Variants in TMEM74 observed in about 807,000 individuals in gnomAD.
TMEM74 encodes the protein transmembrane protein 74.
A neutral mutation model predicts 18.1 loss-of-function variants in TMEM74; 13 were observed. The ratio of observed to expected loss-of-function variants is 0.72; its 90% CI spans 0.47 to 1.14. The LOEUF is 1.14. TMEM74 is among the 50% of genes most tolerant of loss of function. The probability of loss-of-function intolerance (pLI) is 0.00; values close to 1 mark genes in which losing one functional copy is unlikely to be tolerated. For synonymous variants in TMEM74, 159 were observed against 146.6 expected, an observed-to-expected ratio of 1.08 and a Z score of -0.61; for missense variants, 372 against 375.9, an observed-to-expected ratio of 0.99 and a Z score of 0.09.
At chr8:108,622,961 A>C (rs544432871) in intron 2 of TMEM74, among the ~76,000 whole-genome samples, 1 of 152,076 alleles carries the variant, frequency 6.6e-6, no homozygotes, top group South Asian at 2.1e-4. Flanking sequence ...GTACATTCAA[A>C]TTGCTTAAAG....
chr8:108,618,149 T>C (rs185917114), intron 2 of TMEM74, among the ~76,000 whole-genome samples: 148 of 152,274 alleles, frequency 9.7e-4, no homozygotes, highest in African/African-American at 3.3e-3. Context: ...TTTATGCCTA[T>C]TGCCTTTGAT....
chr8:108,622,519 C>T (rs927699293), intron 2 of TMEM74, among the ~76,000 whole-genome samples: 3 of 152,052 alleles, frequency 2.0e-5, no homozygotes, highest in Non-Finnish European at 4.4e-5. Flanking sequence ...CTTAGGGTGG[C>T]TTTAGAATTG....
intron 1 of TMEM74, among the ~76,000 whole-genome samples, chr8:108,709,968 C>T (rs1171980664): frequency 1.3e-5 from 2 of 152,116 alleles, no homozygotes; most frequent in African/African-American, 4.8e-5. Flanking sequence ...TAATCACACT[C>T]TCAGGGTCAT....
rs1406834719 is a variant in TMEM74, at chr8:108,700,662, A to T, written n.120-45225T>A. Reference sequence around the variant, plus strand: ...AATAAGTATTTCATATACATGGGGCATTTAATCATCTTAATCAAAATGAAG... The same window carrying T: ...AATAAGTATTTCATATACATGGGGCTTTTAATCATCTTAATCAAAATGAAG... On this transcript the variant is annotated intron_variant and non_coding_transcript_variant, in intron 1 of 3. Coordinates refer to the TMEM74 transcript ENST00000518838. Among the ~76,000 whole-genome samples the T allele has an allele frequency of 1.3e-5, 2 of 152,188 alleles. 1 individual carries two copies. Among genetic ancestry groups the T allele is most frequent in the Non-Finnish European group, 2.9e-5 (2 of 68,032 alleles).
chr8:108,656,326 C>G (rs1457334774), intron 1 of TMEM74, among the ~76,000 whole-genome samples: 1 of 152,122 alleles, frequency 6.6e-6, no homozygotes, highest in Non-Finnish European at 1.5e-5. Flanking sequence ...GTTCAGGGCT[C>G]ATAATCGGGA....
At chr8:108,684,020 T>C (rs2130601393) in intron 1 of TMEM74, among the ~76,000 whole-genome samples, 1 of 152,250 alleles carries the variant, frequency 6.6e-6, no homozygotes, top group Middle Eastern at 3.4e-3. Context: ...GACACTTAGA[T>C]TGATTCCATA....
chr8:108,687,633 A>G (rs965937616), intron 1 of TMEM74, among the ~76,000 whole-genome samples: 3 of 152,168 alleles, frequency 2.0e-5, no homozygotes, highest in African/African-American at 7.2e-5. Context: ...AGATGGTCCC[A>G]TCTTGGTCTG....
intron 3 of TMEM74, among the ~76,000 whole-genome samples, chr8:108,608,486 T>C (rs1812302085): frequency 1.3e-5 from 2 of 152,124 alleles, no homozygotes; most frequent in Non-Finnish European, 2.9e-5. Flanking sequence ...ACTGTGGCAA[T>C]AATACCTGGC....
chr8:108,648,922 T>C (rs1344406152), intron 2 of TMEM74, among the ~76,000 whole-genome samples: 1 of 152,152 alleles, frequency 6.6e-6, no homozygotes, highest in Admixed American at 6.6e-5. Context: ...CGCTAAACAA[T>C]ACACTGATCT....
At chr8:108,688,410 T>G (rs1813193395) in intron 1 of TMEM74, among the ~76,000 whole-genome samples, 1 of 152,198 alleles carries the variant, frequency 6.6e-6, no homozygotes, top group Non-Finnish European at 1.5e-5. Context: ...TCCTCACATG[T>G]TCAGCTAAAG....
chr8:108,689,921 A>G (rs1281532279), intron 1 of TMEM74, among the ~76,000 whole-genome samples: 3 of 152,292 alleles, frequency 2.0e-5, no homozygotes, highest in African/African-American at 7.2e-5. Context: ...TCTTATGCAG[A>G]TAACAGACCA....
chr8:108,772,904 G>C (rs998471428), intron 1 of TMEM74, among the ~76,000 whole-genome samples: 1 of 152,094 alleles, frequency 6.6e-6, no homozygotes, highest in Non-Finnish European at 1.5e-5. Context: ...GATTGTCATG[G>C]GGATTCGATG....
intron 1 of TMEM74, among the ~76,000 whole-genome samples, chr8:108,723,209 G>A (rs1380721147): frequency 1.3e-5 from 2 of 152,154 alleles, no homozygotes; most frequent in East Asian, 3.9e-4. Flanking sequence ...ATTAAGGGGT[G>A]ATTTAAATTG....
intron 1 of TMEM74, among the ~76,000 whole-genome samples, chr8:108,687,707 T>C (rs1813184926): frequency 6.6e-6 from 1 of 152,052 alleles, no homozygotes; most frequent in Non-Finnish European, 1.5e-5. Flanking sequence ...CCTAGATCCC[T>C]CGCATGTGCT....
In TMEM74 at chr8:108,686,462, A is replaced by G. The variant is rs547011453; in HGVS notation, n.120-31025T>C. On this transcript the variant is annotated intron_variant and non_coding_transcript_variant, in intron 1 of 3. Transcript: ENST00000518838. ...CGTGATCCAGCCGCCTCAGCCTCCC[A>G]AAGTGCTGAGATTACAGGCGTGACC... is the stretch of plus-strand genomic sequence containing the variant. Among the ~76,000 whole-genome samples the G allele has an allele frequency of 7.2e-5, 11 of 151,938 alleles. No individual in the cohort carries two copies. In the South Asian group the frequency reaches 1.2e-3, roughly 17 times the overall value.
rs1814365334 is a variant in TMEM74 at position 108,785,071 on chromosome 8, T to C, written c.28A>G (p.Ser10Gly). 1 of 1,609,680 alleles carries C rather than the reference T, an allele frequency of 6.2e-7. No homozygotes were observed. Among genetic ancestry groups the C allele is most frequent in the Admixed American group, 1.7e-5 (1 of 59,282 alleles). Residue 10 changes from serine to glycine, a missense_variant, in exon 2 of 2, where the codon AGC (serine) becomes GGC (glycine). Ser to Gly is a moderately conservative substitution (Grantham distance 56, BLOSUM62 0). Transcript: ENST00000297459. Reference sequence around the variant, plus strand: ...GCATCACAGAGGTCTGCCTGGTTGCTCTTCTTAGCAAGGTAGTGGAGCTCC... The same window carrying C: ...GCATCACAGAGGTCTGCCTGGTTGCCCTTCTTAGCAAGGTAGTGGAGCTCC... MELHYLAKK[S>G]NQADLCDARD...
intron 1 of TMEM74, among the ~76,000 whole-genome samples, chr8:108,761,265 A>T (rs1218247806): frequency 2.6e-5 from 4 of 152,018 alleles, no homozygotes; most frequent in African/African-American, 9.7e-5. Context: ...ATCTTACATT[A>T]GGTTTTCTAA....
At chr8:108,614,617 A>C (rs1812366053) in intron 2 of TMEM74, among the ~76,000 whole-genome samples, 1 of 152,214 alleles carries the variant, frequency 6.6e-6, no homozygotes, top group African/African-American at 2.4e-5. Flanking sequence ...GTTTTAGTAG[A>C]ATTCACATAG....
Position 108,637,924 on chromosome 8 carries a change from T to C in TMEM74, n.264+17369A>G, listed in dbSNP as rs75701100. ...GTATATTTCTGGGTGGAAAGCAAAGTTGGTAAAATAATTGGTGGGAAGAAA... is the reference window on the plus strand; with the variant it reads ...GTATATTTCTGGGTGGAAAGCAAAGCTGGTAAAATAATTGGTGGGAAGAAA... On this transcript the variant is annotated intron_variant and non_coding_transcript_variant, in intron 2 of 3. Coordinates refer to the TMEM74 transcript ENST00000518838. Among the ~76,000 whole-genome samples, 943 of 152,246 alleles carry C rather than the reference T, an allele frequency of 6.2e-3. 9 individuals carry two copies. Among genetic ancestry groups the C allele is most frequent in the African/African-American group, 0.021 (892 of 41,558 alleles).
Sources: gnomAD v4.1 joint callset for allele counts (sites outside exome capture counted in the v4.1 genomes callset) on GRCh38, gnomAD v4.1.1 for gene constraint, MANE v1.5 for transcripts, NCBI Gene and HGNC (gene_info 2026-07-23, HGNC 2026-07-21) for gene names.